VWA8: variants seen among roughly 807,000 people sequenced by gnomAD.
VWA8 encodes von Willebrand factor A domain containing 8.
Under a neutral mutation model 241.5 loss-of-function variants are expected in VWA8, and 221 were observed. The ratio of observed to expected loss-of-function variants is 0.91; its 90% CI spans 0.82 to 1.02. The LOEUF (loss-of-function observed/expected upper bound fraction) is 1.02, where lower values mean the gene tolerates loss of function less well. Ranked by LOEUF, VWA8 falls within the 50% of genes least tolerant of loss-of-function variation. VWA8 has a pLI of 0.00. For missense variants in VWA8, 2,322 were observed against 2,328.7 expected, an observed-to-expected ratio of 1.00 and a Z score of 0.06; for synonymous variants, 852 against 827.1, an observed-to-expected ratio of 1.03 and a Z score of -0.52.
intron 18 of VWA8, among the ~76,000 whole-genome samples, chr13:41,784,596 G>A (rs1421464957): frequency 2.0e-5 from 3 of 149,918 alleles, no homozygotes; most frequent in East Asian, 2.0e-4. Context: ...CCTGGAGGTT[G>A]AGGCTACAGT....
At position 41,692,926 on chromosome 13, in the gene VWA8, C is replaced by A. The variant is rs368531097; in HGVS notation, c.3611G>T (p.Arg1204Leu). The change falls in exon 30 of 45, where the codon CGT (arginine) becomes CTT (leucine). Residue 1204 changes from arginine (R) to leucine (L), a missense_variant. Transcript: ENST00000379310. ...AAACTTCTCGGAAGGGAGGATGAGA[C>A]GATGAAGGGCCCGGCCAGTAGTATC... ...LLDTTGRALH[R>L]LILPSEKFTS... The A allele has an allele frequency of 6.2e-7, 1 of 1,610,540 alleles. No individual in the cohort carries two copies. Among genetic ancestry groups the A allele is most frequent in the African/African-American group, 1.3e-5 (1 of 74,620 alleles).
chr13:41,841,826 T>A (rs1391895258), intron 12 of VWA8, among the ~76,000 whole-genome samples: 13 of 19,140 alleles, frequency 6.8e-4, no homozygotes, highest in East Asian at 2.5e-3. Flanking sequence ...AAAAAATATA[T>A]ATATATATAT....
In VWA8 at chr13:41,719,594, T is replaced by C. The variant is rs772543333; in HGVS notation, c.3113A>G (p.Lys1038Arg). The C allele has an allele frequency of 1.9e-6, 3 of 1,612,786 alleles. No homozygotes were observed. The highest frequency in any genetic ancestry group is 3.3e-5 in the Admixed American group (2 of 59,876). ...GAKPTSVQLA[K>R]ELTLPEQTFM... ...AAGAGTACTGAATTTGCCTTACTCCTTTGCCAGCTGCACACTGGTAGGCTT... is the reference window on the plus strand; with the variant it reads ...AAGAGTACTGAATTTGCCTTACTCCCTTGCCAGCTGCACACTGGTAGGCTT... The change falls in exon 26 of 45, where the codon AAG becomes AGG. Residue 1038 changes from lysine to arginine, a missense_variant. Coordinates refer to ENST00000379310, the MANE Select transcript of VWA8 (RefSeq NM_015058.2).
intron 24 of VWA8, among the ~76,000 whole-genome samples, chr13:41,722,062 C>A (rs1012895569): frequency 3.9e-5 from 6 of 152,066 alleles, no homozygotes; most frequent in African/African-American, 1.4e-4. Context: ...TTAACTTCAA[C>A]AAATGTTGAG....
rs2044271352 is a variant in VWA8, at chr13:41,567,841, A to ATGATG, written c.*351_*355dup. The ATGATG allele has an allele frequency of 5.6e-6, 1 of 180,130 alleles. No individual in the cohort carries two copies. The highest frequency in any genetic ancestry group is 5.9e-5 in the Admixed American group (1 of 17,016). The allele number at this position is 180,130 out of a possible 1,614,324, so 11.2% of individuals were successfully genotyped here. A position where few individuals can be genotyped will look rare whatever the true frequency, so the allele number is the denominator to read the frequency against. The stretch of plus-strand genomic sequence containing the variant: ...GGGGTCACTTTTCTAACGTGACCAG[A>ATGATG]TGATGTGTTAAGGCAAAAGCAAAGT... On this transcript the variant is annotated 3_prime_UTR_variant, in exon 45 of 45. Coordinates refer to ENST00000379310, the MANE Select transcript of VWA8 (RefSeq NM_015058.2).
chr13:41,808,262 C>T (rs554380543), intron 17 of VWA8, among the ~76,000 whole-genome samples: 10 of 152,204 alleles, frequency 6.6e-5, no homozygotes, highest in East Asian at 3.9e-4. Context: ...TGTGTTAGTC[C>T]GTTTTTGTAC....
chr13:41,690,143 A>T (rs776464202), intron 33 of VWA8, 23 bp downstream of exon 33: 29 of 1,596,184 alleles, frequency 1.8e-5, no homozygotes, highest in Non-Finnish European at 2.4e-5. Flanking sequence ...CACAGCCATA[A>T]ACACAGATGA....
In VWA8 at chr13:41,699,153, G is replaced by A; in HGVS notation, c.3482C>T (p.Ala1161Val). The A allele has an allele frequency of 6.2e-7, 1 of 1,614,058 alleles. No homozygotes were observed. Among genetic ancestry groups the A allele is most frequent in the Non-Finnish European group, 8.5e-7 (1 of 1,179,954 alleles). ...CACAAAAGGGTGCCAAACGCCATTG[G>A]CTGTTCTTGGGAAGATATCAAAAAA... ...VDFFDIFPRT[A>V]NGVWHPFVTV... is the part of the protein sequence containing the mutation. Residue 1161 changes from alanine to valine, a missense_variant, in exon 29 of 45, where the codon GCC becomes GTC. By Grantham distance (64) the Ala-to-Val change is moderately conservative. Coordinates refer to ENST00000379310, the MANE Select transcript of VWA8 (RefSeq NM_015058.2).
intron 42 of VWA8, among the ~76,000 whole-genome samples, chr13:41,581,043 A>G (rs2044379452): frequency 7.6e-6 from 1 of 130,900 alleles, no homozygotes; most frequent in African/African-American, 3.7e-5. Context: ...GCTGTCGTCC[A>G]GGCTGGAGTG....
At chr13:41,584,404 CGAT>C (rs1267964100) in intron 42 of VWA8, among the ~76,000 whole-genome samples, 2 of 152,086 alleles carry the variant, frequency 1.3e-5, no homozygotes, top group Non-Finnish European at 2.9e-5. Context: ...TCTGTGGACA[CGAT>C]GAGGAGTTTG....
rs150605407 is a variant in VWA8 at position 41,747,290 on chromosome 13, G to A, written c.2426+13838C>T. ...TTATTTCATTGAGCAGTGGTTTGTCGTTCTCCTTGAAGAGGTCCTTCACAT... is the reference window on the plus strand; with the variant it reads ...TTATTTCATTGAGCAGTGGTTTGTCATTCTCCTTGAAGAGGTCCTTCACAT... On this transcript the variant is annotated intron_variant, in intron 21 of 44. Coordinates refer to ENST00000379310, the MANE Select transcript of VWA8 (RefSeq NM_015058.2). Among the ~76,000 whole-genome samples, 948 of 152,220 alleles carry A rather than the reference G, an allele frequency of 6.2e-3. 11 individuals carry two copies. Among genetic ancestry groups the A allele is most frequent in the African/African-American group, 0.022 (905 of 41,504 alleles).
intron 13 of VWA8, among the ~76,000 whole-genome samples, chr13:41,831,872 G>A (rs887314201): frequency 5.3e-5 from 8 of 151,746 alleles, no homozygotes; most frequent in East Asian, 1.9e-4. Flanking sequence ...CGCCCACCTC[G>A]GTCTCCCAAA....
intron 4 of VWA8, among the ~76,000 whole-genome samples, chr13:41,899,393 C>T (rs1012501803): frequency 1.3e-5 from 2 of 152,122 alleles, no homozygotes; most frequent in African/African-American, 4.8e-5. Flanking sequence ...AAAAATGAAT[C>T]GCCCAAGATT....
intron 44 of VWA8, among the ~76,000 whole-genome samples, chr13:41,569,851 A>G (rs2044288588): frequency 6.6e-6 from 1 of 152,140 alleles, no homozygotes; most frequent in Non-Finnish European, 1.5e-5. Context: ...TCTCTATTGA[A>G]TATTTAGTAT....
In VWA8 at chr13:41,701,513, AT is replaced by A; in HGVS notation, c.3242del (p.Asn1081IlefsTer7). 2 of 1,607,376 alleles carry A rather than the reference AT, an allele frequency of 1.2e-6. No homozygotes were observed. The highest frequency in any genetic ancestry group is 1.7e-6 in the Non-Finnish European group (2 of 1,177,406). ...GTCTTTCTATTGGATACTCCTGTAT[AT>A]TTATAAGTGCTGGACCCTATAATAA... is the stretch of plus-strand genomic sequence containing the variant. The part of the protein sequence containing the change: ...HIDIKGPALI[N>X]IQEYPIERHE... On this transcript the variant is annotated frameshift_variant, in exon 28 of 45. Coordinates refer to ENST00000379310, the MANE Select transcript of VWA8 (RefSeq NM_015058.2). LOFTEE classifies it high-confidence loss of function.
intron 21 of VWA8, among the ~76,000 whole-genome samples, chr13:41,749,271 C>G (rs900999120): frequency 6.6e-6 from 1 of 152,168 alleles, no homozygotes; most frequent in African/African-American, 2.4e-5. Context: ...TCATCACTGG[C>G]CATCAGAGAA....
chr13:41,751,081 T>C (rs1313892048), intron 21 of VWA8, among the ~76,000 whole-genome samples: 1 of 151,928 alleles, frequency 6.6e-6, no homozygotes, highest in Non-Finnish European at 1.5e-5. Flanking sequence ...GAAGTTACAG[T>C]TTGAAAACAG....
In VWA8 at chr13:41,857,368, G is replaced by A. The variant is rs559773938; in HGVS notation, c.1425+8368C>T. Among the ~76,000 whole-genome samples, 5 of 152,176 alleles carry A rather than the reference G, an allele frequency of 3.3e-5. No homozygotes were observed. The South Asian group carries it at 6.2e-4, about 19-fold the overall frequency. On this transcript the variant is annotated intron_variant, in intron 12 of 44. Coordinates refer to ENST00000379310, the MANE Select transcript of VWA8 (RefSeq NM_015058.2). ...TTGAGTTACATTTTCCAGAAATGGC[G>A]ATGTATTACAGAGAAGCATCCATAT...
chr13:41,664,254 G>C (rs2044971718), intron 37 of VWA8, among the ~76,000 whole-genome samples: 1 of 152,036 alleles, frequency 6.6e-6, no homozygotes, highest in African/African-American at 2.4e-5. Context: ...TTCCAATGCT[G>C]CTTTGGAGAA....
Sources: gnomAD v4.1 joint callset for allele counts (sites outside exome capture counted in the v4.1 genomes callset) on GRCh38, gnomAD v4.1.1 for gene constraint, MANE v1.5 for transcripts, NCBI Gene and HGNC (gene_info 2026-07-23, HGNC 2026-07-21) for gene names.